The following ICAM5 variants were observed in gnomAD, a reference collection of about 807,000 sequenced individuals.
The protein encoded by ICAM5 is ICAM-5.
ICAM5 carries 38 observed loss-of-function variants against 78.8 expected under a neutral mutation model. The observed-to-expected ratio is 0.48, with a 90% CI of 0.37 to 0.63. The LOEUF (loss-of-function observed/expected upper bound fraction) is 0.63, where lower values mean the gene tolerates loss of function less well. ICAM5 is among the 30% of genes least tolerant of loss of function. ICAM5 has a pLI of 0.00. For synonymous variants in ICAM5, 544 were observed against 590.9 expected (o/e 0.92, Z 1.15); for missense variants, 1,059 against 1,303.0 (o/e 0.81, Z 2.88).
At position 10,292,153 on chromosome 19, in the gene ICAM5, C is replaced by T; in HGVS notation, c.792C>T (p.Leu264=). The T allele has an allele frequency of 6.2e-7, 1 of 1,613,400 alleles. No homozygotes were observed. Among genetic ancestry groups the T allele is most frequent in the Non-Finnish European group, 8.5e-7 (1 of 1,180,032 alleles). ...LFPASEARVY[L]ALGDQNLSPD... The stretch of plus-strand genomic sequence containing the variant: ...CAGCCTCAGAGGCCAGGGTCTACCT[C>T]GCACTGGGGGACCAGAATCTGAGTC... The change falls in exon 4 of 11, where the codon CTC becomes CTT. Residue 264 remains leucine, a synonymous_variant. Transcript: ENST00000221980.
At position 10,293,718 on chromosome 19, in the gene ICAM5, G is replaced by T. The variant is rs10418913; in HGVS notation, c.1486G>T (p.Val496Leu). 24 of 1,613,814 alleles carry T rather than the reference G, an allele frequency of 1.5e-5. No individual in the cohort carries two copies. The highest frequency in any genetic ancestry group is 1.9e-5 in the Non-Finnish European group (23 of 1,180,016). The change falls in exon 7 of 11, where the codon GTG becomes TTG. Residue 496 changes from valine (V) to leucine (L), a missense_variant. Val to Leu is a conservative substitution (Grantham distance 32, BLOSUM62 1). Transcript: ENST00000221980. This position sits in a 1 kb window ranked among gnomAD's most constrained non-coding sequence, Gnocchi z 5.0. ...TVEYAPALDSVGCPERITWLE... is the reference protein window; with the variant it reads ...TVEYAPALDSLGCPERITWLE... ...TCCAGACGCACCAGCGCTGGACAGCGTGGGCTGCCCAGAACGCATTACTTG... is the reference window on the plus strand; with the variant it reads ...TCCAGACGCACCAGCGCTGGACAGCTTGGGCTGCCCAGAACGCATTACTTG...
Position 10,290,188 on chromosome 19 carries a change from C to A in ICAM5, c.82+63C>A. 1 of 1,255,546 alleles carries A rather than the reference C, an allele frequency of 8.0e-7. No homozygotes were observed. The allele number at this position is 1,255,546 out of a possible 1,614,324, so 77.8% of individuals were successfully genotyped here. A position where few individuals can be genotyped will look rare whatever the true frequency, so the allele number is the denominator to read the frequency against. On this transcript the variant is annotated intron_variant, in intron 1 of 10. Transcript: ENST00000221980. This position sits in a 1 kb window ranked among gnomAD's most constrained non-coding sequence, Gnocchi z 5.7. ...GGGCGGAGTCCCTGGACCTGAGAAACGGCCTCCTGTCCCTCCCAGCTCTGC... is the reference window on the plus strand; with the variant it reads ...GGGCGGAGTCCCTGGACCTGAGAAAAGGCCTCCTGTCCCTCCCAGCTCTGC...
chr19:10,292,898 T>C, intron 5 of ICAM5, 32 bp downstream of exon 5: 1 of 1,606,212 alleles, frequency 6.2e-7, no homozygotes, highest in Non-Finnish European at 8.5e-7. Flanking sequence ...GCCCCCCACC[T>C]TCTGGTGACT....
At position 10,295,462 on chromosome 19, in the gene ICAM5, G is replaced by A; in HGVS notation, c.2347G>A (p.Ala783Thr). The change falls in exon 10 of 11, where the codon GCG becomes ACG. Residue 783 changes from alanine (A) to threonine (T), a missense_variant. Ala to Thr is a moderately conservative substitution (Grantham distance 58). Coordinates refer to ENST00000221980, the MANE Select transcript of ICAM5 (RefSeq NM_003259.4). ...GCCTCCAGCCCAGATCAGCTGGCGCGCGCCCCCGGGGGCCCTCAACATCGG... is the reference window on the plus strand; with the variant it reads ...GCCTCCAGCCCAGATCAGCTGGCGCACGCCCCCGGGGGCCCTCAACATCGG... ...AWPPAQISWR[A>T]PPGALNIGLS... is the part of the protein sequence containing the mutation. 2 of 1,594,156 alleles carry A rather than the reference G, an allele frequency of 1.3e-6. No homozygotes were observed.
intron 10 of ICAM5, 114 bp from the exon 11 acceptor site, chr19:10,296,225 G>A: frequency 9.4e-7 from 1 of 1,069,026 alleles, no homozygotes; most frequent in Non-Finnish European, 1.2e-6. Context: ...CCCAAGGCCA[G>A]ACAGTGAGCT....
intron 1 of ICAM5, 46 bp from the exon 2 acceptor site, chr19:10,291,026 G>A (rs2040166579): frequency 1.9e-6 from 3 of 1,564,378 alleles, no homozygotes; most frequent in Non-Finnish European, 1.7e-6. Context: ...GCGCTAAGAT[G>A]TCAGGGAGTT....
Position 10,296,568 on chromosome 19 carries a change from G to A in ICAM5, c.2727G>A (p.Glu909=). 2 of 1,219,368 alleles carry A rather than the reference G, an allele frequency of 1.6e-6. No individual in the cohort carries two copies. Among genetic ancestry groups the A allele is most frequent in the East Asian group, 3.4e-5 (1 of 29,640 alleles). 75.5% of individuals were successfully genotyped at this position (1,219,368 alleles called of 1,614,324 possible). ...GGPEAAGGAA[E]SPAEGEVFAI... is the part of the protein sequence containing the mutation. ...CCGAGGCGGCGGGGGGCGCGGCCGAGTCGCCGGCGGAGGGCGAGGTCTTCG... is the reference window on the plus strand; with the variant it reads ...CCGAGGCGGCGGGGGGCGCGGCCGAATCGCCGGCGGAGGGCGAGGTCTTCG... The change falls in exon 11 of 11, where the codon GAG becomes GAA. Residue 909 remains glutamate (E), a synonymous_variant. Coordinates refer to ENST00000221980, the MANE Select transcript of ICAM5 (RefSeq NM_003259.4).
chr19:10,292,015 C>T lies in ICAM5; in HGVS notation c.674-20C>T, dbSNP rs774511257. The T allele has an allele frequency of 1.2e-6, 2 of 1,607,236 alleles. No individual in the cohort carries two copies. Among genetic ancestry groups the T allele is most frequent in the Non-Finnish European group, 1.7e-6 (2 of 1,175,562 alleles). On this transcript the variant is annotated intron_variant, in intron 3 of 10. Transcript: ENST00000221980. ...ATTGAGCGCTCGGAGTTAGTTCAAA[C>T]TTGGTTCTTCGACCCCTAGCCCTGT... is the stretch of plus-strand genomic sequence containing the variant.
In ICAM5 at chr19:10,291,582, C is replaced by T; in HGVS notation, c.446C>T (p.Pro149Leu). 1 of 1,612,376 alleles carries T rather than the reference C, an allele frequency of 6.2e-7. No homozygotes were observed. The part of the protein sequence containing the change: ...TLSCRVPGAG[P>L]RASLTLTLLR... The stretch of plus-strand genomic sequence containing the variant: ...AGCTGTAGGGTCCCCGGCGCCGGGC[C>T]CCGTGCGAGCCTCACGCTGACCCTG... The change falls in exon 3 of 11, where the codon CCC (proline) becomes CTC (leucine). Residue 149 changes from proline to leucine, a missense_variant. By Grantham distance (98) the Pro-to-Leu change is moderately conservative. Transcript: ENST00000221980.
At chr19:10,292,407 T>G in intron 4 of ICAM5, 85 bp downstream of exon 4, 1 of 1,456,686 alleles carries the variant, frequency 6.9e-7, no homozygotes, top group Non-Finnish European at 9.2e-7. Flanking sequence ...GGGACCTCAG[T>G]ACCGGAACAG....
rs2040196090 is a variant in ICAM5, at chr19:10,293,714, C to T, written c.1482C>T (p.Asp494=). The T allele has an allele frequency of 6.2e-7, 1 of 1,613,704 alleles. No homozygotes were observed. Among genetic ancestry groups the T allele is most frequent in the Non-Finnish European group, 8.5e-7 (1 of 1,180,010 alleles). The part of the protein sequence containing the change: ...TLTVEYAPAL[D]SVGCPERITW... ...CTCCTCCAGACGCACCAGCGCTGGA[C>T]AGCGTGGGCTGCCCAGAACGCATTA... is the stretch of plus-strand genomic sequence containing the variant. The change falls in exon 7 of 11, where the codon GAC becomes GAT. Residue 494 remains aspartate (D), a synonymous_variant. Coordinates refer to ENST00000221980, the MANE Select transcript of ICAM5 (RefSeq NM_003259.4). This position sits in a 1 kb window ranked among gnomAD's most constrained non-coding sequence, Gnocchi z 5.0.
chr19:10,293,655 T>C lies in ICAM5; in HGVS notation c.1466-43T>C, dbSNP rs2040195003. ...CAAGGAGGGTCTAGGGACGTCAGATTTGCCCCCAAACCCCAAAGCCAACAA... is the reference window on the plus strand; with the variant it reads ...CAAGGAGGGTCTAGGGACGTCAGATCTGCCCCCAAACCCCAAAGCCAACAA... On this transcript the variant is annotated intron_variant, in intron 6 of 10. Coordinates refer to ENST00000221980, the MANE Select transcript of ICAM5 (RefSeq NM_003259.4). The surrounding 1 kb of genome is among the most constrained non-coding windows in gnomAD (Gnocchi z 5.0). The C allele has an allele frequency of 2.5e-6, 4 of 1,598,438 alleles. No individual in the cohort carries two copies. The East Asian group carries it at 9.0e-5, about 36-fold the overall frequency.
chr19:10,292,948 G>A, intron 5 of ICAM5, 50 bp from the exon 6 acceptor site: 1 of 1,608,164 alleles, frequency 6.2e-7, no homozygotes, highest in Non-Finnish European at 8.5e-7. Context: ...TCGTGGAGGC[G>A]GAGCCATTTC....
At position 10,291,484 on chromosome 19, in the gene ICAM5, T is replaced by C; in HGVS notation, c.353-5T>C. ...CAAAGAGCTGCGGACTCTTCCCCCT[T>C]GCAGAGCGACCAGATCGCGTAGAGC... On this transcript the variant is annotated splice_polypyrimidine_tract_variant and splice_region_variant and intron_variant, in intron 2 of 10. Transcript: ENST00000221980. 6.2e-7 allele frequency: 1 copy of C among 1,612,186 alleles called. No individual in the cohort carries two copies. The highest frequency in any genetic ancestry group is 8.5e-7 in the Non-Finnish European group (1 of 1,179,774).
chr19:10,296,214 TC>T, intron 10 of ICAM5, 124 bp from the exon 11 acceptor site: 1 of 981,414 alleles, frequency 1.0e-6, no homozygotes, highest in Non-Finnish European at 1.3e-6. Flanking sequence ...GTCTCCCTTC[TC>T]CCAAGGCCAG....
rs141583702 is a variant in ICAM5 at position 10,294,191 on chromosome 19, G to T, written c.1863G>T (p.Pro621=). ...GCGCCACTGAGGGGGTGCTGCTGCC[G>T]CTGGCACCCCCAGACCCTAGTCCCA... The part of the protein sequence containing the change: ...SGGATEGVLL[P]LAPPDPSPRA... Residue 621 remains proline (P), a synonymous_variant, in exon 8 of 11, where the codon CCG becomes CCT. Coordinates refer to ENST00000221980, the MANE Select transcript of ICAM5 (RefSeq NM_003259.4). This position sits in a 1 kb window ranked among gnomAD's most constrained non-coding sequence, Gnocchi z 7.7. 2.9e-5 allele frequency: 46 copies of T among 1,613,962 alleles called. No homozygotes were observed. The African/African-American group carries it at 3.9e-4, about 14-fold the overall frequency.
chr19:10,292,417 G>A lies in ICAM5; in HGVS notation c.961+95G>A, dbSNP rs2040181480. On this transcript the variant is annotated intron_variant, in intron 4 of 10. Coordinates refer to ENST00000221980, the MANE Select transcript of ICAM5 (RefSeq NM_003259.4). ...TGGGCGGGACCTCAGTACCGGAACA[G>A]GCGTGGCCCGAGGGGCGGGGCAGGT... is the stretch of plus-strand genomic sequence containing the variant. 8 of 1,430,844 alleles carry A rather than the reference G, an allele frequency of 5.6e-6. No homozygotes were observed. In the East Asian group the frequency reaches 1.5e-4, roughly 27 times the overall value. The allele number at this position is 1,430,844 out of a possible 1,614,324, so 88.6% of individuals were successfully genotyped here.
chr19:10,296,565 C>T lies in ICAM5; in HGVS notation c.2724C>T (p.Ala908=), dbSNP rs1418295707. The T allele has an allele frequency of 4.9e-6, 6 of 1,219,232 alleles. No homozygotes were observed. The South Asian group carries it at 2.1e-4, about 42-fold the overall frequency. The allele number at this position is 1,219,232 out of a possible 1,614,324, so 75.5% of individuals were successfully genotyped here. The change falls in exon 11 of 11, where the codon GCC becomes GCT. Residue 908 remains alanine, a synonymous_variant. Transcript: ENST00000221980. ...GACCCGAGGCGGCGGGGGGCGCGGC[C>T]GAGTCGCCGGCGGAGGGCGAGGTCT... ...EGGPEAAGGA[A]ESPAEGEVFA...
intron 9 of ICAM5, 119 bp from the exon 10 acceptor site, chr19:10,295,227 A>T: frequency 2.7e-6 from 3 of 1,124,130 alleles, no homozygotes; most frequent in Non-Finnish European, 3.6e-6. Flanking sequence ...AGGAGGCAGG[A>T]TCCTCTTCTG....
Sources: gnomAD v4.1 joint callset for allele counts on GRCh38, gnomAD v4.1.1 for gene constraint, Gnocchi (gnomAD v3.1) non-coding constraint, MANE v1.5 for transcripts, NCBI Gene and HGNC (gene_info 2026-07-23, HGNC 2026-07-21) for gene names.